ZMYND8: variants seen among roughly 807,000 people sequenced by gnomAD.
ZMYND8 encodes the protein MYND-type zinc finger-containing chromatin reader ZMYND8.
A neutral mutation model predicts 140.8 loss-of-function variants in ZMYND8; 37 were observed. The ratio of observed to expected loss-of-function variants is 0.26; its 90% CI spans 0.20 to 0.35. The LOEUF (loss-of-function observed/expected upper bound fraction) is 0.35. Among genes scored for constraint, ZMYND8 ranks in the 10% least tolerant of loss-of-function variants. The pLI is 1.00. For synonymous variants in ZMYND8, 592 were observed against 597.1 expected (o/e 0.99, Z 0.12); for missense variants, 1,068 against 1,570.0 (o/e 0.68, Z 5.40).
At chr20:47,310,282 C>T (rs978531830) in intron 2 of ZMYND8, 78 bp from the exon 3 acceptor site, 1 of 1,507,968 alleles carries the variant, frequency 6.6e-7, no homozygotes, top group East Asian at 2.3e-5. Flanking sequence ...GTGGAGGAAC[C>T]AAGTGTGGGA....
chr20:47,269,725 C>A (rs1281131509), intron 11 of ZMYND8, among the ~76,000 whole-genome samples: 1 of 152,166 alleles, frequency 6.6e-6, no homozygotes, highest in East Asian at 1.9e-4. Flanking sequence ...CACCCCAGCA[C>A]TCTGGGTGGG....
At chr20:47,213,456 GATATGGTC>G (rs1454428633) in intron 21 of ZMYND8, among the ~76,000 whole-genome samples, 55 of 152,348 alleles carry the variant, frequency 3.6e-4, no homozygotes, top group African/African-American at 9.6e-4. Flanking sequence ...TGCCATGAAT[GATATGGTC>G]ATAATCATAC....
rs142069931 is a variant in ZMYND8, at chr20:47,350,469, G to GTT, written c.15-2545_15-2544dup. The stretch of plus-strand genomic sequence containing the variant: ...TCGGTTTTTTTGTGTGTGTGTGTGT[G>GTT]TTTTTTTTTGATTTAGTGTTAAGAA... On this transcript the variant is annotated intron_variant, in intron 1 of 22. Coordinates refer to ENST00000471951, the MANE Select transcript of ZMYND8 (RefSeq NM_001281775.3). Among the ~76,000 whole-genome samples, 289 of 148,024 alleles carry GTT rather than the reference G, an allele frequency of 2.0e-3. 1 individual carries two copies. The highest frequency in any genetic ancestry group is 6.8e-3 in the African/African-American group (274 of 40,252).
intron 3 of ZMYND8, among the ~76,000 whole-genome samples, chr20:47,300,756 C>T (rs2148078366): frequency 6.6e-6 from 1 of 152,214 alleles, no homozygotes; most frequent in Non-Finnish European, 1.5e-5. Flanking sequence ...GCTCTGTCGC[C>T]CAGGCTGGAG....
chr20:47,249,488 A>G (rs776294938), intron 12 of ZMYND8, 49 bp from the exon 13 acceptor site: 1 of 1,585,028 alleles, frequency 6.3e-7, no homozygotes, highest in Non-Finnish European at 8.6e-7. Context: ...CACCATCCTC[A>G]TCACGGAGCT....
intron 2 of ZMYND8, among the ~76,000 whole-genome samples, chr20:47,329,582 T>G (rs2080760888): frequency 6.6e-6 from 1 of 152,126 alleles, no homozygotes; most frequent in South Asian, 2.1e-4. Flanking sequence ...TTCTGTATTT[T>G]TAGTAGAGGC....
intron 1 of ZMYND8, among the ~76,000 whole-genome samples, chr20:47,350,952 C>T (rs1439246962): frequency 6.6e-6 from 1 of 152,194 alleles, no homozygotes; most frequent in Non-Finnish European, 1.5e-5. Context: ...ACATTGTATA[C>T]ACCACCACCT....
chr20:47,210,949 A>G, intron 22 of ZMYND8, 52 bp from the exon 23 acceptor site: 1 of 1,590,724 alleles, frequency 6.3e-7, no homozygotes, highest in Non-Finnish European at 8.6e-7. Context: ...GCGCCTGAGC[A>G]CAACTATCCT....
rs781522203 is a variant in ZMYND8 at position 47,227,277 on chromosome 20, C to A, written c.2942G>T (p.Arg981Leu). The A allele has an allele frequency of 1.2e-6, 2 of 1,614,090 alleles. No homozygotes were observed. Among genetic ancestry groups the A allele is most frequent in the South Asian group, 1.1e-5 (1 of 91,080 alleles). ...NTTGSTIAEI[R>L]RLRIEIEKLQ... ...CTTCTCTATCTCGATCCTCAGCCTG[C>A]GAATCTGGAAGAGGGAGAGTGAGCG... The change falls in exon 18 of 23, where the codon CGC becomes CTC. Residue 981 changes from arginine (R) to leucine (L), a missense_variant. This residue lies in a region of ZMYND8 where 87 missense variants were observed against 151.1 expected (regional missense o/e 0.58). Coordinates refer to ENST00000471951, the MANE Select transcript of ZMYND8 (RefSeq NM_001281775.3).
At chr20:47,302,763 C>T (rs2078160894) in intron 3 of ZMYND8, among the ~76,000 whole-genome samples, 1 of 152,086 alleles carries the variant, frequency 6.6e-6, no homozygotes, top group Non-Finnish European at 1.5e-5. Context: ...ACTTAGAGAC[C>T]CCCTCAGAGA....
chr20:47,227,956 G>T (rs1291811228), intron 17 of ZMYND8, among the ~76,000 whole-genome samples: 1 of 152,158 alleles, frequency 6.6e-6, no homozygotes, highest in East Asian at 1.9e-4. Flanking sequence ...AACCGGGCAT[G>T]GCGGCGCACG....
intron 12 of ZMYND8, among the ~76,000 whole-genome samples, chr20:47,257,312 A>G (rs571089183): frequency 2.6e-5 from 4 of 152,162 alleles, no homozygotes; most frequent in East Asian, 1.9e-4. Context: ...ACATATACTC[A>G]TATGCCATAT....
chr20:47,220,131 C>T (rs2036731053), intron 21 of ZMYND8, 127 bp downstream of exon 21: 3 of 789,564 alleles, frequency 3.8e-6, no homozygotes, highest in Non-Finnish European at 5.9e-6. Flanking sequence ...ACCCCAGGCA[C>T]CCCTAAGGAT....
chr20:47,263,078 C>T lies in ZMYND8; in HGVS notation c.1481-650G>A, dbSNP rs370994318. ...TTTAAAAATACCTTAAAATGACCTA[C>T]GACCTGCTTCTCCCCTGCCTCATTT... On this transcript the variant is annotated intron_variant, in intron 11 of 22. Transcript: ENST00000471951. Among the ~76,000 whole-genome samples, 9 of 152,310 alleles carry T rather than the reference C, an allele frequency of 5.9e-5. No individual in the cohort carries two copies. In the East Asian group the frequency reaches 9.6e-4, roughly 16 times the overall value.
chr20:47,220,337 A>T lies in ZMYND8; in HGVS notation c.3418-13T>A. ...AAAGGTCAAGGGTCTAGAAATACAA[A>T]AAGAAAAAGATGGACTCAAGGCACT... On this transcript the variant is annotated splice_polypyrimidine_tract_variant and intron_variant, in intron 20 of 22. Coordinates refer to ENST00000471951, the MANE Select transcript of ZMYND8 (RefSeq NM_001281775.3). The T allele has an allele frequency of 6.4e-7, 1 of 1,552,182 alleles. No individual in the cohort carries two copies. Among genetic ancestry groups the T allele is most frequent in the Non-Finnish European group, 8.7e-7 (1 of 1,146,630 alleles).
At chr20:47,293,460 C>G (rs191681051) in intron 5 of ZMYND8, among the ~76,000 whole-genome samples, 2 of 152,148 alleles carry the variant, frequency 1.3e-5, no homozygotes, top group South Asian at 2.1e-4. Context: ...ACCCTTCCCC[C>G]ACATGCAGAT....
Position 47,239,082 on chromosome 20 carries a change from G to A in ZMYND8, c.2341C>T (p.Pro781Ser). Residue 781 changes from proline to serine, a missense_variant, in exon 15 of 23, where the codon CCG (proline) becomes TCG (serine). By Grantham distance (74) the Pro-to-Ser change is moderately conservative (BLOSUM62 -1). Coordinates refer to ENST00000471951, the MANE Select transcript of ZMYND8 (RefSeq NM_001281775.3). The part of the protein sequence containing the change: ...TVGSHSPPET[P>S]VLTRSSAQTS... ...TGGGCGGAAGAGCGGGTGAGCACCG[G>A]TGTTTCCGGGGGAGAATGGCTGCCC... The A allele has an allele frequency of 1.9e-6, 3 of 1,539,276 alleles. No individual in the cohort carries two copies. Among genetic ancestry groups the A allele is most frequent in the South Asian group, 1.2e-5 (1 of 80,072 alleles).
At chr20:47,284,245 A>C (rs1282639730) in intron 8 of ZMYND8, among the ~76,000 whole-genome samples, 3 of 151,972 alleles carry the variant, frequency 2.0e-5, no homozygotes, top group African/African-American at 7.3e-5. Context: ...TTATAGACAT[A>C]AATCTGTTCT....
rs115744420 is a variant in ZMYND8, at chr20:47,239,664, G to C, written c.2285-526C>G. Among the ~76,000 whole-genome samples, 611 of 152,278 alleles carry C rather than the reference G, an allele frequency of 4.0e-3. 5 individuals carry two copies. Among genetic ancestry groups the C allele is most frequent in the African/African-American group, 0.013 (551 of 41,550 alleles). ...AACACTCAGTCACCCAGAAAGAAAA[G>C]TATTCTTTTCATCTCTTCTGATTCC... On this transcript the variant is annotated intron_variant, in intron 14 of 22. Coordinates refer to ENST00000471951, the MANE Select transcript of ZMYND8 (RefSeq NM_001281775.3).
Sources: gnomAD v4.1 joint callset for allele counts (sites outside exome capture counted in the v4.1 genomes callset) on GRCh38, gnomAD v4.1.1 for gene constraint, gnomAD v4.1.1 regional missense constraint, MANE v1.5 for transcripts, NCBI Gene and HGNC (gene_info 2026-07-23, HGNC 2026-07-21) for gene names.